The following ADSL variants were observed in gnomAD, a reference collection of about 807,000 sequenced individuals.
The protein encoded by ADSL is adenylosuccinate lyase, also known as adenylosuccinase.
Under a neutral mutation model 62.1 loss-of-function variants are expected in ADSL, and 44 were observed. The ratio of observed to expected loss-of-function variants is 0.71; its 90% CI spans 0.56 to 0.91. The LOEUF is 0.91. ADSL is among the 40% of genes least tolerant of loss of function. ADSL has a pLI of 0.00. For missense variants in ADSL, 531 were observed against 627.4 expected (o/e 0.85, Z 1.64); for synonymous variants, 198 against 220.5 (o/e 0.90, Z 0.90).
chr22:40,380,191 G>A (rs183595631), intron 2 of ADSL, among the ~76,000 whole-genome samples: 16 of 152,208 alleles, frequency 1.1e-4, no homozygotes, highest in African/African-American at 3.6e-4. Flanking sequence ...AAATGTTCTT[G>A]TATGACTATT....
intron 1 of ADSL, chr22:40,348,474 C>T: frequency 5.0e-6 from 2 of 398,602 alleles, no homozygotes; most frequent in East Asian, 7.1e-5. Flanking sequence ...ACCTCTGCAT[C>T]CTGGGCTCAA....
chr22:40,359,704 T>C (rs1382949634), intron 6 of ADSL, among the ~76,000 whole-genome samples: 1 of 151,960 alleles, frequency 6.6e-6, no homozygotes, highest in African/African-American at 2.4e-5. Flanking sequence ...ATTGTTTTTG[T>C]ATAATTTTTG....
chr22:40,350,043 C>T lies in ADSL; in HGVS notation c.357+8C>T. ...TATGTTGGAGACAATACTGTAGGCG[C>T]CTGTGTTGTTTATACTTAAAACTCA... On this transcript the variant is annotated splice_region_variant and intron_variant, in intron 2 of 12. Coordinates refer to ENST00000623063, the MANE Select transcript of ADSL (RefSeq NM_000026.4). 1 of 1,611,854 alleles carries T rather than the reference C, an allele frequency of 6.2e-7. No homozygotes were observed. The highest frequency in any genetic ancestry group is 8.5e-7 in the Non-Finnish European group (1 of 1,178,004).
At chr22:40,353,411 G>T in intron 3 of ADSL, 1 of 702,262 alleles carries the variant, frequency 1.4e-6, no homozygotes. Flanking sequence ...TCCTGTCTCA[G>T]TCTCCCAAGT....
chr22:40,350,651 C>G (rs1165318310), intron 2 of ADSL, among the ~76,000 whole-genome samples: 1 of 151,506 alleles, frequency 6.6e-6, no homozygotes. Context: ...TGGAGTCTTG[C>G]TCTGTCACCC....
intron 2 of ADSL, among the ~76,000 whole-genome samples, chr22:40,382,848 T>G (rs781688021): frequency 3.9e-5 from 6 of 152,224 alleles, no homozygotes; most frequent in Non-Finnish European, 7.3e-5. Context: ...TATCCTAATT[T>G]TACTGATAGG....
At chr22:40,374,809 C>T (rs2046279840) in intron 2 of ADSL, among the ~76,000 whole-genome samples, 1 of 152,088 alleles carries the variant, frequency 6.6e-6, no homozygotes, top group Non-Finnish European at 1.5e-5. Flanking sequence ...GGGCTCAGCT[C>T]AGGAGGTCGA....
rs1035500320 is a variant in ADSL, at chr22:40,350,019, A to G, written c.341A>G (p.Tyr114Cys). The G allele has an allele frequency of 4.3e-6, 7 of 1,613,906 alleles. No individual in the cohort carries two copies. The highest frequency in any genetic ancestry group is 5.9e-6 in the Non-Finnish European group (7 of 1,179,848). ...GIIHLGATSC[Y>C]VGDNTDLIIL... ...ATTCACCTTGGTGCTACTTCTTGCT[A>G]TGTTGGAGACAATACTGTAGGCGCC... Residue 114 changes from tyrosine (Y) to cysteine (C), a missense_variant, in exon 2 of 13, where the codon TAT (tyrosine) becomes TGT (cysteine). By Grantham distance (194) the Tyr-to-Cys change is radical. Transcript: ENST00000623063.
chr22:40,353,003 A>G, intron 2 of ADSL, 70 bp from the exon 3 acceptor site: 1 of 1,428,440 alleles, frequency 7.0e-7, no homozygotes, highest in Non-Finnish European at 9.9e-7. Flanking sequence ...TTTCTGGCCA[A>G]AAAGTGTTAT....
chr22:40,350,090 A>G (rs750195237), intron 2 of ADSL, 55 bp downstream of exon 2: 4 of 1,529,944 alleles, frequency 2.6e-6, no homozygotes, highest in Non-Finnish European at 3.6e-6. Context: ...CTATTTGTCA[A>G]TTTTATTTGA....
intron 4 of ADSL, among the ~76,000 whole-genome samples, chr22:40,356,818 G>A (rs919906792): frequency 6.6e-6 from 1 of 152,180 alleles, no homozygotes; most frequent in African/African-American, 2.4e-5. Flanking sequence ...GTGCCAGCCT[G>A]GGGTGACAGA....
At chr22:40,369,622 G>A (rs2045136938), downstream of ADSL, among the ~76,000 whole-genome samples, 1 of 151,900 alleles carries the variant, frequency 6.6e-6, no homozygotes, top group Non-Finnish European at 1.5e-5. Flanking sequence ...TCTCACCTCA[G>A]CCTCTTGAGT....
At chr22:40,386,562 C>CTTTTTTTT (rs60319316) in intron 2 of ADSL, among the ~76,000 whole-genome samples, 3 of 68,366 alleles carry the variant, frequency 4.4e-5, no homozygotes, top group African/African-American at 1.1e-4. Context: ...AATTTTCTTA[C>CTTTTTTTT]TTTTTTTTTT....
chr22:40,360,464 T>C lies in ADSL; in HGVS notation c.764T>C (p.Leu255Pro), dbSNP rs1324678680. ...RKVDIEVLSV[L>P]ASLGASVHKI... The stretch of plus-strand genomic sequence containing the variant: ...GTGGATATTGAAGTACTGTCTGTGC[T>C]GGCTAGCTTGGGGGCATCAGTGCAC... Residue 255 changes from leucine to proline, a missense_variant, in exon 7 of 13, where the codon CTG becomes CCG. Coordinates refer to ENST00000623063, the MANE Select transcript of ADSL (RefSeq NM_000026.4). 1 of 1,614,174 alleles carries C rather than the reference T, an allele frequency of 6.2e-7. No individual in the cohort carries two copies. Among genetic ancestry groups the C allele is most frequent in the Non-Finnish European group, 8.5e-7 (1 of 1,180,008 alleles).
chr22:40,357,953 A>T (rs1169601078), intron 4 of ADSL, among the ~76,000 whole-genome samples: 3 of 151,924 alleles, frequency 2.0e-5, no homozygotes, highest in Admixed American at 6.6e-5. Context: ...TTGTATTTTT[A>T]GTAGAGACAG....
At chr22:40,386,572 T>C (rs1010453246) in intron 2 of ADSL, among the ~76,000 whole-genome samples, 1 of 146,648 alleles carries the variant, frequency 6.8e-6, no homozygotes, top group African/African-American at 2.5e-5. Flanking sequence ...CTTTTTTTTT[T>C]TTTTTTTTTT....
intron 2 of ADSL, 87 bp downstream of exon 2, chr22:40,350,122 A>C: frequency 1.5e-6 from 2 of 1,297,288 alleles, no homozygotes; most frequent in Middle Eastern, 2.2e-4. Context: ...TGAGGAAGTG[A>C]CACTATAGAT....
Position 40,346,803 on chromosome 22 carries a change from C to G in ADSL, c.153+92C>G, listed in dbSNP as rs1019964181. On this transcript the variant is annotated intron_variant, in intron 1 of 12. Coordinates refer to ENST00000623063, the MANE Select transcript of ADSL (RefSeq NM_000026.4). ...TGTTCCGGGCTGGGCTTAGCCACCC[C>G]GGAGCTGCGGCCCGGCTATTTTCAG... 10 of 1,343,400 alleles carry G rather than the reference C, an allele frequency of 7.4e-6. No homozygotes were observed. The African/African-American group carries it at 1.3e-4, about 18-fold the overall frequency. The allele number at this position is 1,343,400 out of a possible 1,614,324, so 83.2% of individuals were successfully genotyped here.
intron 3 of ADSL, chr22:40,353,915 C>T (rs567915040): frequency 1.9e-4 from 73 of 393,664 alleles, no homozygotes; most frequent in Non-Finnish European, 2.9e-4. Context: ...CATGAGCCAC[C>T]GCGCCCGGCC....
Sources: allele counts gnomAD v4.1 joint callset (sites outside exome capture counted in the v4.1 genomes callset), GRCh38; gene constraint gnomAD v4.1.1; transcripts MANE v1.5; gene names NCBI Gene and HGNC (gene_info 2026-07-23, HGNC 2026-07-21).